DACH1: variants seen among roughly 807,000 people sequenced by gnomAD.
DACH1 encodes dachshund family transcription factor 1, also known as dachshund homolog 1.
DACH1 carries 12 observed loss-of-function variants against 54.2 expected under a neutral mutation model. That is an observed-to-expected ratio of 0.22 (90% confidence interval 0.14 to 0.36). DACH1 has a LOEUF of 0.36. Ranked by LOEUF, DACH1 falls within the 10% of genes least tolerant of loss-of-function variation. The pLI is 1.00. For synonymous variants in DACH1, 386 were observed against 366.2 expected, an observed-to-expected ratio of 1.05 and a Z score of -0.62; for missense variants, 805 against 929.8, an observed-to-expected ratio of 0.87 and a Z score of 1.75.
chr13:71,861,694 C>T (rs754195001), intron 1 of DACH1, among the ~76,000 whole-genome samples: 48 of 151,736 alleles, frequency 3.2e-4, no homozygotes, highest in Admixed American at 8.5e-4. Flanking sequence ...TACTGTAATA[C>T]GAAAACTTCA....
intron 2 of DACH1, among the ~76,000 whole-genome samples, chr13:71,650,993 T>G (rs1411208310): frequency 6.6e-6 from 1 of 152,206 alleles, no homozygotes; most frequent in African/African-American, 2.4e-5. Flanking sequence ...TCTTATTACT[T>G]TTTATTGTTA....
intron 1 of DACH1, among the ~76,000 whole-genome samples, chr13:71,727,189 T>C (rs896995057): frequency 2.0e-5 from 3 of 152,108 alleles, no homozygotes; most frequent in African/African-American, 7.2e-5. Context: ...TAAATTAAGC[T>C]GTCATTCATA....
At chr13:71,727,480 T>C (rs1162213451) in intron 1 of DACH1, among the ~76,000 whole-genome samples, 1 of 152,154 alleles carries the variant, frequency 6.6e-6, no homozygotes, top group Non-Finnish European at 1.5e-5. Flanking sequence ...TGAATACTTC[T>C]TCATGTCTGA....
At chr13:71,769,025 C>T (rs1885748135) in intron 1 of DACH1, among the ~76,000 whole-genome samples, 1 of 151,714 alleles carries the variant, frequency 6.6e-6, no homozygotes, top group Non-Finnish European at 1.5e-5. Flanking sequence ...TTAAACATAG[C>T]AGTTCTCTCA....
At chr13:71,723,600 GT>G in intron 1 of DACH1, among the ~76,000 whole-genome samples, 1 of 152,250 alleles carries the variant, frequency 6.6e-6, no homozygotes, top group Non-Finnish European at 1.5e-5. Context: ...TAGTAAGGTG[GT>G]TTTTTAAAAA....
chr13:71,844,866 G>A (rs895274983), intron 1 of DACH1, among the ~76,000 whole-genome samples: 1 of 152,094 alleles, frequency 6.6e-6, no homozygotes, highest in Non-Finnish European at 1.5e-5. Flanking sequence ...GAAAAAGAAA[G>A]TTAAACACTA....
intron 1 of DACH1, among the ~76,000 whole-genome samples, chr13:71,696,532 G>C (rs750780308): frequency 6.6e-6 from 1 of 151,596 alleles, no homozygotes; most frequent in African/African-American, 2.4e-5. Context: ...GCCATATCTA[G>C]ATAATTTTTC....
At chr13:71,617,829 C>A (rs1338578944) in intron 3 of DACH1, among the ~76,000 whole-genome samples, 2 of 151,874 alleles carry the variant, frequency 1.3e-5, no homozygotes, top group South Asian at 4.2e-4. Flanking sequence ...CAAAAGCAAT[C>A]AATAAAAAAA....
intron 3 of DACH1, among the ~76,000 whole-genome samples, chr13:71,613,458 GC>G (rs1461830087): frequency 6.6e-6 from 1 of 152,138 alleles, no homozygotes; most frequent in Admixed American, 6.6e-5. Flanking sequence ...ATGAATTTAT[GC>G]CTCATAATCA....
chr13:71,617,496 C>T (rs920092054), intron 3 of DACH1, among the ~76,000 whole-genome samples: 2 of 152,074 alleles, frequency 1.3e-5, no homozygotes, highest in Non-Finnish European at 2.9e-5. Context: ...AGATGTTATA[C>T]AATTATGCTG....
chr13:71,597,340 T>A (rs1419781370), intron 3 of DACH1, among the ~76,000 whole-genome samples: 3 of 152,168 alleles, frequency 2.0e-5, no homozygotes, highest in Non-Finnish European at 2.9e-5. Context: ...TTTCAACACA[T>A]CATTCTGTAC....
Position 71,489,151 on chromosome 13 carries a change from G to A in DACH1, c.1571-3C>T, listed in dbSNP as rs755282417. On this transcript the variant is annotated splice_polypyrimidine_tract_variant and splice_region_variant and intron_variant, in intron 6 of 10. Coordinates refer to ENST00000613252, the MANE Select transcript of DACH1 (RefSeq NM_080759.6). ...TGGTGTAGAAAGCGGGGTCTCATCT[G>A]CATGTGATTGAAACAAAAATATAGA... 6.2e-7 allele frequency: 1 copy of A among 1,610,318 alleles called. No homozygotes were observed. The highest frequency in any genetic ancestry group is 8.5e-7 in the Non-Finnish European group (1 of 1,177,924).
chr13:71,650,394 T>C (rs1430427915), intron 2 of DACH1, among the ~76,000 whole-genome samples: 1 of 152,162 alleles, frequency 6.6e-6, no homozygotes, highest in African/African-American at 2.4e-5. Context: ...ATATAATTTG[T>C]TTTCCATTTC....
chr13:71,668,671 T>A (rs1337935405), intron 2 of DACH1, among the ~76,000 whole-genome samples: 5 of 151,998 alleles, frequency 3.3e-5, no homozygotes, highest in African/African-American at 1.2e-4. Context: ...ACACCTGTAA[T>A]CCCAACACTT....
At chr13:71,844,162 T>C (rs10492537) in intron 1 of DACH1, among the ~76,000 whole-genome samples, 9,700 of 152,280 alleles carry the variant, frequency 0.064, 340 homozygotes, top group East Asian at 0.11. Flanking sequence ...CATCCATTAA[T>C]AGAATTTAGA....
At chr13:71,595,795 C>A (rs1446658009) in intron 3 of DACH1, among the ~76,000 whole-genome samples, 1 of 152,046 alleles carries the variant, frequency 6.6e-6, no homozygotes, top group Non-Finnish European at 1.5e-5. Flanking sequence ...AGCACAAACC[C>A]CATTCATTAG....
intron 1 of DACH1, among the ~76,000 whole-genome samples, chr13:71,726,822 C>A (rs934448822): frequency 4.6e-5 from 7 of 151,858 alleles, no homozygotes; most frequent in African/African-American, 1.7e-4. Flanking sequence ...TTAAACAATT[C>A]TTTAGCTCTG....
chr13:71,656,480 C>A (rs1879095825), intron 2 of DACH1, among the ~76,000 whole-genome samples: 1 of 152,044 alleles, frequency 6.6e-6, no homozygotes. Flanking sequence ...TTATGGCCAC[C>A]AGTCTAAGTC....
chr13:71,676,894 G>A lies in DACH1; in HGVS notation c.964+4901C>T, dbSNP rs73215224. The stretch of plus-strand genomic sequence containing the variant: ...TTATATGTCTACAAGATCACAGTGA[G>A]GGAAAAGACATATCCAACAGACAAA... On this transcript the variant is annotated intron_variant, in intron 2 of 10. Coordinates refer to ENST00000613252, the MANE Select transcript of DACH1 (RefSeq NM_080759.6). 1.5e-3 allele frequency among the ~76,000 whole-genome samples: 221 copies of A among 152,202 alleles called. 1 individual carries two copies. Among genetic ancestry groups the A allele is most frequent in the Non-Finnish European group, 1.9e-3 (129 of 68,002 alleles).
Sources: allele counts gnomAD v4.1 joint callset (sites outside exome capture counted in the v4.1 genomes callset), GRCh38; gene constraint gnomAD v4.1.1; transcripts MANE v1.5; gene names NCBI Gene and HGNC (gene_info 2026-07-23, HGNC 2026-07-21).